The following AOPEP variants were observed in gnomAD, a reference collection of about 807,000 sequenced individuals.
The protein encoded by AOPEP is aminopeptidase O (putative).
Under a neutral mutation model 98.1 loss-of-function variants are expected in AOPEP, and 77 were observed. The ratio of observed to expected loss-of-function variants is 0.78; its 90% confidence interval spans 0.65 to 0.95. The LOEUF (loss-of-function observed/expected upper bound fraction) is 0.95. Ranked by LOEUF, AOPEP falls within the 40% of genes least tolerant of loss-of-function variation. AOPEP has a pLI of 0.00. For missense variants in AOPEP, 1,024 were observed against 1,024.7 expected (o/e 1.00, Z 0.01); for synonymous variants, 346 against 365.3 (o/e 0.95, Z 0.60).
chr9:94,804,156 T>TA (rs1435494417), intron 5 of AOPEP, among the ~76,000 whole-genome samples: 1 of 152,224 alleles, frequency 6.6e-6, no homozygotes, highest in Non-Finnish European at 1.5e-5. Context: ...TCATCACACT[T>TA]ACACTCTCTG....
At chr9:94,941,137 A>G (rs1356743032) in intron 7 of AOPEP, among the ~76,000 whole-genome samples, 2 of 152,198 alleles carry the variant, frequency 1.3e-5, no homozygotes, top group Non-Finnish European at 2.9e-5. Context: ...CCCTTCTGGA[A>G]CCTACATCTA....
At chr9:95,063,118 G>A (rs906827454) in intron 14 of AOPEP, among the ~76,000 whole-genome samples, 2 of 152,200 alleles carry the variant, frequency 1.3e-5, no homozygotes, top group South Asian at 2.1e-4. Context: ...CAGCCAGCAC[G>A]GAAAATGAGC....
chr9:95,055,787 G>A (rs980611906), intron 13 of AOPEP, among the ~76,000 whole-genome samples: 9 of 152,180 alleles, frequency 5.9e-5, no homozygotes, highest in African/African-American at 1.9e-4. Flanking sequence ...GCCCCTGCCC[G>A]AAGGCCGCCT....
At chr9:95,100,833 G>A in the AOPEP span, 1 of 228,948 alleles carries the variant, frequency 4.4e-6, no homozygotes, top group Non-Finnish European at 8.7e-6. Context: ...GTATTGCCAT[G>A]TTAGCCAGGC....
rs558602570 is a variant in AOPEP at position 95,020,972 on chromosome 9, TTGAAA to T, written c.2115+15359_2115+15363del. Among the ~76,000 whole-genome samples, 15 of 149,286 alleles carry T rather than the reference TTGAAA, an allele frequency of 1.0e-4. No homozygotes were observed. The South Asian group carries it at 3.2e-3, about 32-fold the overall frequency. On this transcript the variant is annotated intron_variant, in intron 13 of 16. Coordinates refer to ENST00000375315, the MANE Select transcript of AOPEP (RefSeq NM_001193329.3). ...TGACCAGATAAATTGACATTTTGTTTTGAAATGCAGTAATGGCACTCTCACAAATG... is the reference window on the plus strand; with the variant it reads ...TGACCAGATAAATTGACATTTTGTTTTGCAGTAATGGCACTCTCACAAATG...
intron 5 of AOPEP, among the ~76,000 whole-genome samples, chr9:94,864,090 T>C (rs1289056089): frequency 6.6e-6 from 1 of 152,170 alleles, no homozygotes; most frequent in African/African-American, 2.4e-5. Flanking sequence ...ATAACTGTCT[T>C]TTTAGCCTTA....
At chr9:94,985,047 G>A (rs904191310) in intron 11 of AOPEP, among the ~76,000 whole-genome samples, 15 of 152,336 alleles carry the variant, frequency 9.8e-5, no homozygotes, top group Middle Eastern at 3.4e-3. Flanking sequence ...CAAGCACACC[G>A]CCTCAGGTGA....
chr9:95,088,604 C>T (rs1352302840), downstream of AOPEP, among the ~76,000 whole-genome samples: 4 of 152,154 alleles, frequency 2.6e-5, no homozygotes, highest in East Asian at 5.8e-4. Context: ...CACTGCCCTG[C>T]GAGGCTCCCA....
chr9:95,049,196 G>A (rs1191419899), intron 13 of AOPEP: 1 of 152,202 alleles, frequency 6.6e-6, no homozygotes, highest in East Asian at 1.9e-4. Context: ...TTGAGGATCT[G>A]TGCTCACTGG....
At chr9:95,070,160 A>C (rs1254006174) in intron 14 of AOPEP, among the ~76,000 whole-genome samples, 4 of 152,232 alleles carry the variant, frequency 2.6e-5, no homozygotes, top group South Asian at 2.1e-4. Flanking sequence ...CCCCTGGGGC[A>C]GTCCCCCACT....
At chr9:94,739,781 C>G (rs1032782821) in intron 1 of AOPEP, among the ~76,000 whole-genome samples, 27 of 152,118 alleles carry the variant, frequency 1.8e-4, no homozygotes, top group African/African-American at 5.8e-4. Context: ...TTCACCAGAC[C>G]TATTCTATTG....
chr9:95,112,128 A>G, the AOPEP span, among the ~76,000 whole-genome samples: 3 of 152,372 alleles, frequency 2.0e-5, no homozygotes, highest in East Asian at 3.9e-4. Context: ...CATCAATGCC[A>G]GAAAGTTGAA....
chr9:94,844,206 C>T (rs2042586713), intron 5 of AOPEP, among the ~76,000 whole-genome samples: 1 of 152,124 alleles, frequency 6.6e-6, no homozygotes, highest in South Asian at 2.1e-4. Context: ...CAGGCACTCA[C>T]CACCATGCCC....
chr9:95,007,838 A>G (rs1446944904), intron 13 of AOPEP, among the ~76,000 whole-genome samples: 1 of 152,180 alleles, frequency 6.6e-6, no homozygotes, highest in African/African-American at 2.4e-5. Flanking sequence ...ATAGAAATTG[A>G]GCTTTGTGAT....
At chr9:95,136,768 G>GC in the AOPEP span, among the ~76,000 whole-genome samples, 4 of 152,170 alleles carry the variant, frequency 2.6e-5, no homozygotes, top group Admixed American at 2.6e-4. Flanking sequence ...ACAGGCCTGA[G>GC]CCCCACTACT....
chr9:95,081,710 A>AC (rs1204635410), intron 15 of AOPEP, among the ~76,000 whole-genome samples: 1 of 152,240 alleles, frequency 6.6e-6, no homozygotes, highest in Non-Finnish European at 1.5e-5. Flanking sequence ...TGTTCTAAAG[A>AC]CCAGAATTCA....
At position 94,765,622 on chromosome 9, in the gene AOPEP, A is replaced by G. The variant is rs745944106; in HGVS notation, c.797+5042A>G. On this transcript the variant is annotated intron_variant, in intron 2 of 16. Transcript: ENST00000375315. ...GTCTTGAAAAAAAATTATTAAAAAG[A>G]TAACTTCAAATTTGGAGATTTCTAC... is the stretch of plus-strand genomic sequence containing the variant. 7.6e-4 allele frequency among the ~76,000 whole-genome samples: 116 copies of G among 151,862 alleles called. 1 individual carries two copies. Among genetic ancestry groups the G allele is most frequent in the Non-Finnish European group, 1.4e-3 (92 of 67,966 alleles).
intron 13 of AOPEP, among the ~76,000 whole-genome samples, chr9:95,050,218 C>T (rs988472238): frequency 6.6e-5 from 10 of 152,238 alleles, no homozygotes; most frequent in African/African-American, 2.2e-4. Context: ...TCACCTCTCA[C>T]ACATTGGCAA....
intron 14 of AOPEP, among the ~76,000 whole-genome samples, chr9:95,066,564 A>G (rs181501197): frequency 2.6e-5 from 4 of 152,326 alleles, no homozygotes; most frequent in Admixed American, 2.6e-4. Flanking sequence ...AGGTTCAGCC[A>G]GACTTTATTA....
Sources: gnomAD v4.1 joint callset for allele counts (sites outside exome capture counted in the v4.1 genomes callset) on GRCh38, gnomAD v4.1.1 for gene constraint, MANE v1.5 for transcripts, NCBI Gene and HGNC (gene_info 2026-07-23, HGNC 2026-07-21) for gene names.